Variants in PTPRD observed in about 807,000 individuals in gnomAD.
PTPRD encodes receptor-type tyrosine-protein phosphatase delta.
Under a neutral mutation model 214.5 loss-of-function variants are expected in PTPRD, and 34 were observed. The ratio of observed to expected loss-of-function variants is 0.16; its 90% CI spans 0.12 to 0.21. PTPRD has a LOEUF of 0.21. Ranked by LOEUF, PTPRD falls within the 10% of genes least tolerant of loss-of-function variation. The probability of loss-of-function intolerance (pLI) is 1.00; values close to 1 mark genes in which losing one functional copy is unlikely to be tolerated. For missense variants in PTPRD, 2,545 were observed against 2,398.7 expected (o/e 1.06, Z -1.27); for synonymous variants, 1,128 against 845.7 (o/e 1.33, Z -5.79).
chr9:9,680,378 T>G (rs1320195823), intron 7 of PTPRD, among the ~76,000 whole-genome samples: 2 of 151,898 alleles, frequency 1.3e-5, no homozygotes, highest in African/African-American at 4.8e-5. Context: ...CGGCATCATT[T>G]GTGGATCAAG....
In PTPRD at chr9:9,754,736, A is replaced by T. The variant is rs536315474; in HGVS notation, c.-326+12074T>A. ...GGCAGTTGGACTATATTCTAAAAAG[A>T]AAGTTTATGTAAAGTAGATTGTTCA... On this transcript the variant is annotated intron_variant, in intron 6 of 45. Coordinates refer to ENST00000381196, the MANE Select transcript of PTPRD (RefSeq NM_002839.4). Among the ~76,000 whole-genome samples the T allele has an allele frequency of 4.6e-5, 7 of 152,160 alleles. No homozygotes were observed. The South Asian group carries it at 1.5e-3, about 32-fold the overall frequency.
intron 11 of PTPRD, among the ~76,000 whole-genome samples, chr9:8,924,553 G>A (rs2098852604): frequency 6.6e-6 from 1 of 152,082 alleles, no homozygotes; most frequent in Non-Finnish European, 1.5e-5. Flanking sequence ...TTTCACAGAA[G>A]CTGTCAACTC....
At chr9:8,682,041 T>G (rs757932705) in intron 12 of PTPRD, among the ~76,000 whole-genome samples, 23 of 152,066 alleles carry the variant, frequency 1.5e-4, no homozygotes, top group Non-Finnish European at 2.4e-4. Context: ...AAAAATCACT[T>G]CATAGCCCAC....
At chr9:10,242,574 G>A (rs2091294681) in intron 3 of PTPRD, among the ~76,000 whole-genome samples, 1 of 150,060 alleles carries the variant, frequency 6.7e-6, no homozygotes, top group South Asian at 2.1e-4. Context: ...GTGATATGTT[G>A]CTTTACTTGA....
At chr9:9,332,837 C>G (rs2042854426) in intron 9 of PTPRD, among the ~76,000 whole-genome samples, 1 of 151,784 alleles carries the variant, frequency 6.6e-6, no homozygotes, top group Non-Finnish European at 1.5e-5. Flanking sequence ...TGTGGAAATT[C>G]AATTCCTGAT....
chr9:10,425,442 C>G (rs1405736809), intron 2 of PTPRD, among the ~76,000 whole-genome samples: 3 of 151,890 alleles, frequency 2.0e-5, no homozygotes, highest in African/African-American at 7.2e-5. Flanking sequence ...TTCTCTCTAT[C>G]TCTCTCCCCC....
intron 10 of PTPRD, among the ~76,000 whole-genome samples, chr9:9,058,642 G>C (rs544695859): frequency 6.6e-6 from 1 of 150,962 alleles, no homozygotes; most frequent in East Asian, 2.0e-4. Flanking sequence ...GTAGAGACGG[G>C]GTTTCACCGT....
chr9:8,789,008 A>C (rs2096113616), intron 11 of PTPRD, among the ~76,000 whole-genome samples: 1 of 152,210 alleles, frequency 6.6e-6, no homozygotes, highest in Admixed American at 6.5e-5. Context: ...CACAGCTAAA[A>C]CAGACACAGG....
intron 9 of PTPRD, among the ~76,000 whole-genome samples, chr9:9,214,965 G>C (rs2099951197): frequency 6.6e-6 from 1 of 152,306 alleles, no homozygotes; most frequent in South Asian, 2.1e-4. Flanking sequence ...TCTGGGTTCA[G>C]AGTCTATGCT....
intron 8 of PTPRD, among the ~76,000 whole-genome samples, chr9:9,472,444 C>T (rs998726058): frequency 3.3e-5 from 5 of 151,848 alleles, no homozygotes; most frequent in Admixed American, 6.6e-5. Context: ...ACCTCATGAT[C>T]CACCCGCCTC....
chr9:10,305,319 G>C (rs1565172051), intron 3 of PTPRD, among the ~76,000 whole-genome samples: 1 of 149,104 alleles, frequency 6.7e-6, no homozygotes, highest in African/African-American at 2.5e-5. Flanking sequence ...AGAAAACCTA[G>C]GCAATACCAT....
At chr9:8,335,648 TCAGGCAAGAGAA>T (rs1845900149) in intron 43 of PTPRD, among the ~76,000 whole-genome samples, 1 of 152,262 alleles carries the variant, frequency 6.6e-6, no homozygotes, top group East Asian at 1.9e-4. Context: ...GCCAGGGCAA[TCAGGCAAGAGAA>T]AGAAGTAACG....
intron 14 of PTPRD, among the ~76,000 whole-genome samples, chr9:8,604,003 A>C (rs2095044403): frequency 6.6e-6 from 1 of 152,196 alleles, no homozygotes; most frequent in South Asian, 2.1e-4. Context: ...TATTCTCACA[A>C]CTACATATAT....
intron 7 of PTPRD, among the ~76,000 whole-genome samples, chr9:9,729,765 G>C (rs1286420692): frequency 6.6e-6 from 1 of 151,498 alleles, no homozygotes; most frequent in African/African-American, 2.4e-5. Context: ...AAAAAAAATT[G>C]TGAGAGAACG....
intron 5 of PTPRD, among the ~76,000 whole-genome samples, chr9:9,927,241 G>C (rs1223180073): frequency 6.6e-6 from 1 of 152,120 alleles, no homozygotes; most frequent in Non-Finnish European, 1.5e-5. Context: ...TGGAGGAGGA[G>C]CATGAAATAA....
At chr9:9,713,200 G>C (rs996561934) in intron 7 of PTPRD, among the ~76,000 whole-genome samples, 1 of 152,268 alleles carries the variant, frequency 6.6e-6, no homozygotes, top group Non-Finnish European at 1.5e-5. Flanking sequence ...GACAGAAAAT[G>C]TGTATTAATA....
At chr9:10,560,204 T>C (rs967240812) in intron 2 of PTPRD, among the ~76,000 whole-genome samples, 3 of 152,158 alleles carry the variant, frequency 2.0e-5, no homozygotes, top group Non-Finnish European at 2.9e-5. Flanking sequence ...GTGGCACATA[T>C]ACACCATGGA....
At position 9,172,825 on chromosome 9, in the gene PTPRD, A is replaced by G. The variant is rs139053127; in HGVS notation, c.-143+10479T>C. On this transcript the variant is annotated intron_variant, in intron 10 of 45. Transcript: ENST00000381196. ...TCCAGTACTTGCCTGCATTATTCCA[A>G]TAGCCTTTATCCTGCACCTGGCACT... Among the ~76,000 whole-genome samples, 476 of 152,198 alleles carry G rather than the reference A, an allele frequency of 3.1e-3. 2 individuals carry two copies. The highest frequency in any genetic ancestry group is 0.027 in the Middle Eastern group (8 of 294).
At chr9:8,738,437 A>G (rs1390577692) in intron 11 of PTPRD, among the ~76,000 whole-genome samples, 2 of 152,200 alleles carry the variant, frequency 1.3e-5, no homozygotes, top group Admixed American at 1.3e-4. Context: ...AAGACAAACT[A>G]GGGCCTAGAG....
Sources: allele counts gnomAD v4.1 joint callset (sites outside exome capture counted in the v4.1 genomes callset), GRCh38; gene constraint gnomAD v4.1.1; transcripts MANE v1.5; gene names NCBI Gene and HGNC (gene_info 2026-07-23, HGNC 2026-07-21).